WDR19: variants seen among roughly 807,000 people sequenced by gnomAD.
WDR19 encodes WD repeat domain 19, also known as WD repeat-containing protein 19.
WDR19 carries 121 observed loss-of-function variants against 180.0 expected under a neutral mutation model. That is an observed-to-expected ratio of 0.67 (90% CI 0.58 to 0.78). WDR19 has a LOEUF of 0.78. WDR19 is among the 30% of genes least tolerant of loss of function. The probability of loss-of-function intolerance (pLI) is 0.00; values close to 1 mark genes in which losing one functional copy is unlikely to be tolerated. For missense variants in WDR19, 1,450 were observed against 1,640.7 expected, an observed-to-expected ratio of 0.88 and a Z score of 2.01; for synonymous variants, 497 against 540.7, an observed-to-expected ratio of 0.92 and a Z score of 1.12.
intron 36 of WDR19, among the ~76,000 whole-genome samples, chr4:39,283,141 T>G (rs1304605345): frequency 6.6e-6 from 1 of 152,224 alleles, no homozygotes; most frequent in East Asian, 1.9e-4. Context: ...TGTGGAAGTT[T>G]CCTTCTAGTT....
intron 36 of WDR19, among the ~76,000 whole-genome samples, chr4:39,281,942 C>T (rs1736582063): frequency 1.3e-5 from 2 of 152,046 alleles, no homozygotes; most frequent in Non-Finnish European, 2.9e-5. Context: ...GACACGTGAC[C>T]CTCCCCACAA....
chr4:39,263,479 T>C (rs1019479222), intron 28 of WDR19, among the ~76,000 whole-genome samples: 3 of 152,140 alleles, frequency 2.0e-5, no homozygotes, highest in Non-Finnish European at 4.4e-5. Flanking sequence ...TCAATGCCAG[T>C]GCCCCTCAGC....
At chr4:39,270,824 ATT>A (rs761075431) in intron 31 of WDR19, among the ~76,000 whole-genome samples, 66 of 152,208 alleles carry the variant, frequency 4.3e-4, no homozygotes, top group Non-Finnish European at 7.8e-4. Context: ...TTTTGTAAAT[ATT>A]GTTTAGTTTT....
In WDR19 at chr4:39,217,964, A is replaced by G. The variant is rs1729245303; in HGVS notation, c.1357-19A>G. The stretch of plus-strand genomic sequence containing the variant: ...TACTCAAATAAATCTGTGAGCCATT[A>G]TTATTCTTTACGTTTTAGATAGAAA... On this transcript the variant is annotated intron_variant, in intron 13 of 36. Coordinates refer to ENST00000399820, the MANE Select transcript of WDR19 (RefSeq NM_025132.4). The G allele has an allele frequency of 1.2e-6, 2 of 1,612,894 alleles. No homozygotes were observed. Among genetic ancestry groups the G allele is most frequent in the Non-Finnish European group, 1.7e-6 (2 of 1,179,456 alleles).
intron 32 of WDR19, 22 bp downstream of exon 32, chr4:39,273,083 T>G: frequency 1.3e-6 from 2 of 1,580,050 alleles, no homozygotes; most frequent in Non-Finnish European, 1.7e-6. Context: ...TGACCAGAGC[T>G]CTCACCCATG....
intron 25 of WDR19, 72 bp downstream of exon 25, chr4:39,253,364 C>A: frequency 7.0e-7 from 1 of 1,423,080 alleles, no homozygotes; most frequent in African/African-American, 1.5e-5. Flanking sequence ...CTTCTATCAT[C>A]AAATATATTA....
In WDR19 at chr4:39,278,118, A is replaced by G. The variant is rs749274467; in HGVS notation, c.3841-13A>G. ...ATAAAGATGAATTTAACTCTTAAAC[A>G]TCCTGTTTCCAGGGTCGACACATGT... On this transcript the variant is annotated splice_polypyrimidine_tract_variant and intron_variant, in intron 34 of 36. Transcript: ENST00000399820. 6.3e-7 allele frequency: 1 copy of G among 1,592,276 alleles called. No homozygotes were observed. Among genetic ancestry groups the G allele is most frequent in the Non-Finnish European group, 8.6e-7 (1 of 1,168,722 alleles).
At chr4:39,216,049 A>G (rs1577901003) in intron 11 of WDR19, 36 bp downstream of exon 11, 2 of 1,535,860 alleles carry the variant, frequency 1.3e-6, no homozygotes, top group East Asian at 4.9e-5. Context: ...TTATTTATTA[A>G]TAAAATAAGT....
chr4:39,226,051 A>G (rs1730219326), intron 15 of WDR19, among the ~76,000 whole-genome samples: 1 of 152,222 alleles, frequency 6.6e-6, no homozygotes, highest in Admixed American at 6.5e-5. Flanking sequence ...TCCACCTTGT[A>G]TAGGTTTCCT....
chr4:39,192,900 G>A (rs905720010), intron 4 of WDR19, among the ~76,000 whole-genome samples: 2 of 152,146 alleles, frequency 1.3e-5, no homozygotes, highest in African/African-American at 2.4e-5. Flanking sequence ...TCATTGTCTG[G>A]GAACAGCCCA....
chr4:39,192,835 T>A (rs1193828904), intron 4 of WDR19, among the ~76,000 whole-genome samples: 1 of 152,290 alleles, frequency 6.6e-6, no homozygotes, highest in East Asian at 1.9e-4. Context: ...AAAAGTTACC[T>A]GTCAAAGGAG....
At chr4:39,257,962 C>T (rs2109454410) in intron 28 of WDR19, among the ~76,000 whole-genome samples, 1 of 151,940 alleles carries the variant, frequency 6.6e-6, no homozygotes, top group East Asian at 1.9e-4. Context: ...TCCCAAAAGT[C>T]TCCACATGTC....
At chr4:39,269,884 G>T (rs1459156700) in intron 30 of WDR19, 92 bp from the exon 31 acceptor site, 5 of 1,495,554 alleles carry the variant, frequency 3.3e-6, no homozygotes, top group Non-Finnish European at 4.5e-6. Context: ...CTAATAACAA[G>T]ATTAACAAAA....
At chr4:39,269,714 G>A (rs1308461959) in intron 30 of WDR19, among the ~76,000 whole-genome samples, 1 of 152,184 alleles carries the variant, frequency 6.6e-6, no homozygotes, top group Non-Finnish European at 1.5e-5. Context: ...AGGCATGGGA[G>A]GATCACTTGA....
rs11456597 is a variant in WDR19, at chr4:39,241,933, AT to A, written c.2421+1614del. Among the ~76,000 whole-genome samples, 402 of 145,340 alleles carry A rather than the reference AT, an allele frequency of 2.8e-3. 2 individuals are homozygous for A. Among genetic ancestry groups the A allele is most frequent in the Middle Eastern group, 0.011 (3 of 282 alleles). On this transcript the variant is annotated intron_variant, in intron 21 of 36. Transcript: ENST00000399820. The stretch of plus-strand genomic sequence containing the variant: ...TCTTCTAAGCATACTTGTAATATGG[AT>A]TTTTTTTTTTTTTTACCAAAAATGA...
chr4:39,208,840 ATAT>A (rs1349099032), intron 9 of WDR19, among the ~76,000 whole-genome samples: 4 of 152,192 alleles, frequency 2.6e-5, no homozygotes, highest in Non-Finnish European at 4.4e-5. Context: ...TGTATAGGTT[ATAT>A]GCAAATACAA....
intron 20 of WDR19, among the ~76,000 whole-genome samples, chr4:39,236,106 C>G (rs939746774): frequency 1.3e-5 from 2 of 152,146 alleles, no homozygotes; most frequent in Non-Finnish European, 2.9e-5. Context: ...CTAGAACTAT[C>G]ATTCGACCCA....
chr4:39,234,954 A>G (rs963770871), intron 20 of WDR19, 79 bp downstream of exon 20: 2 of 775,806 alleles, frequency 2.6e-6, no homozygotes, highest in Non-Finnish European at 4.3e-6. Flanking sequence ...CATTAATGAT[A>G]AGGCCCTCCA....
At chr4:39,194,903 T>A in intron 5 of WDR19, 1 of 420,940 alleles carries the variant, frequency 2.4e-6, no homozygotes, top group Non-Finnish European at 4.2e-6. Context: ...CATCAGGACA[T>A]TAACAGCATG....
Sources: gnomAD v4.1 joint callset for allele counts (sites outside exome capture counted in the v4.1 genomes callset) on GRCh38, gnomAD v4.1.1 for gene constraint, MANE v1.5 for transcripts, NCBI Gene and HGNC (gene_info 2026-07-23, HGNC 2026-07-21) for gene names.